VLDLR: variants seen among roughly 807,000 people sequenced by gnomAD.
The protein encoded by VLDLR is very low-density lipoprotein receptor.
In VLDLR, 81 loss-of-function variants were observed where a neutral mutation model predicts 112.7. That is an observed-to-expected ratio of 0.72 (90% confidence interval 0.60 to 0.86). VLDLR has a LOEUF of 0.86. VLDLR is among the 40% of genes least tolerant of loss of function. VLDLR has a pLI of 0.00. For synonymous variants in VLDLR, 436 were observed against 384.8 expected (o/e 1.13, Z -1.56); for missense variants, 1,237 against 1,099.4 (o/e 1.13, Z -1.77).
chr9:2,643,770 G>A lies in VLDLR; in HGVS notation c.943+20G>A, dbSNP rs776846247. The A allele has an allele frequency of 1.2e-6, 2 of 1,614,122 alleles. No homozygotes were observed. The highest frequency in any genetic ancestry group is 1.1e-5 in the South Asian group (1 of 91,078). On this transcript the variant is annotated intron_variant, in intron 6 of 18. Transcript: ENST00000382100. The stretch of plus-strand genomic sequence containing the variant: ...AAAATGGTAAGGGTTTCTTCTTGTT[G>A]GTTAAGCAATGGATTGCTCTGACCA...
At chr9:2,650,075 G>C (rs1818252290) in intron 14 of VLDLR, among the ~76,000 whole-genome samples, 1 of 152,160 alleles carries the variant, frequency 6.6e-6, no homozygotes, top group African/African-American at 2.4e-5. Context: ...CAAATAGTGA[G>C]AGCCAGTCCT....
At chr9:2,625,011 G>A (rs1028058225) in intron 1 of VLDLR, among the ~76,000 whole-genome samples, 2 of 152,190 alleles carry the variant, frequency 1.3e-5, no homozygotes, top group Non-Finnish European at 2.9e-5. Flanking sequence ...TAAAGGTCAA[G>A]TAGAGCTGCC....
In VLDLR at chr9:2,653,997, G is replaced by A; in HGVS notation, c.*129G>A. On this transcript the variant is annotated 3_prime_UTR_variant, in exon 19 of 19. Transcript: ENST00000382100. ...AAGAACATCAAGATACCTTTGCGTG[G>A]ATCAAGCTTGTGTACTTGACCGTTT... 1 of 925,176 alleles carries A rather than the reference G, an allele frequency of 1.1e-6. No individual in the cohort carries two copies. The highest frequency in any genetic ancestry group is 1.4e-5 in the South Asian group (1 of 73,662). The allele number at this position is 925,176 out of a possible 1,614,324, so 57.3% of individuals were successfully genotyped here.
In VLDLR at chr9:2,635,475, C is replaced by A. The variant is rs1156783917; in HGVS notation, c.105C>A (p.Pro35=). The change falls in exon 2 of 19, where the codon CCC becomes CCA. Residue 35 remains proline, a synonymous_variant. Coordinates refer to ENST00000382100, the MANE Select transcript of VLDLR (RefSeq NM_003383.5). ...TAGGGAGAAAAGCCAAATGTGAACCCTCCCAATTCCAGTGCACAAATGGTC... is the reference window on the plus strand; with the variant it reads ...TAGGGAGAAAAGCCAAATGTGAACCATCCCAATTCCAGTGCACAAATGGTC... The part of the protein sequence containing the change: ...TGTGRKAKCE[P]SQFQCTNGRC... 4 of 1,613,872 alleles carry A rather than the reference C, an allele frequency of 2.5e-6. No individual in the cohort carries two copies. Among genetic ancestry groups the A allele is most frequent in the Non-Finnish European group, 3.4e-6 (4 of 1,179,968 alleles).
Position 2,644,045 on chromosome 9 carries a change from CTAGT to C in VLDLR, c.1066+89_1066+92del. On this transcript the variant is annotated intron_variant, in intron 7 of 18. Coordinates refer to ENST00000382100, the MANE Select transcript of VLDLR (RefSeq NM_003383.5). Reference sequence around the variant, plus strand: ...ACACTGTGTGGACCCCCCGTGATGGCTAGTTAAACTTTTGAATGTACTGAAGTTC... The same window carrying C: ...ACACTGTGTGGACCCCCCGTGATGGCTAAACTTTTGAATGTACTGAAGTTC... The C allele has an allele frequency of 3.8e-6, 6 of 1,593,062 alleles. No individual in the cohort carries two copies. In the South Asian group the frequency reaches 4.5e-5, roughly 12 times the overall value.
rs1816785705 is a variant in VLDLR, at chr9:2,621,788, C to T, written c.-402C>T. ...CCTCCGGCCCCCTCCCCGCTGCTCA[C>T]CCCGCTCTCCGGCCGCCGCCGGTGC... is the stretch of plus-strand genomic sequence containing the variant. On this transcript the variant is annotated 5_prime_UTR_variant, in exon 1 of 19. Transcript: ENST00000382100. 5 of 480,680 alleles carry T rather than the reference C, an allele frequency of 1.0e-5. No individual in the cohort carries two copies. The highest frequency in any genetic ancestry group is 6.9e-5 in the East Asian group (1 of 14,574). 29.8% of individuals were successfully genotyped at this position (480,680 alleles called of 1,614,324 possible).
chr9:2,632,530 G>A (rs138443489), intron 1 of VLDLR, among the ~76,000 whole-genome samples: 14 of 152,140 alleles, frequency 9.2e-5, no homozygotes, highest in African/African-American at 2.7e-4. Context: ...AATTTGAGAC[G>A]TAACTTTCAT....
Position 2,655,752 on chromosome 9 carries a change from T to C in VLDLR, c.*1884T>C, listed in dbSNP as rs1586665079. Reference sequence around the variant, plus strand: ...TCAAGCATGTAGAAGGAAAAGGCTGTAGTCATGAATATAGAACTGTCTGCT... The same window carrying C: ...TCAAGCATGTAGAAGGAAAAGGCTGCAGTCATGAATATAGAACTGTCTGCT... On this transcript the variant is annotated 3_prime_UTR_variant, in exon 19 of 19. Coordinates refer to ENST00000382100, the MANE Select transcript of VLDLR (RefSeq NM_003383.5). 1 of 152,274 alleles carries C rather than the reference T, an allele frequency of 6.6e-6. No homozygotes were observed. Among genetic ancestry groups the C allele is most frequent in the South Asian group, 2.1e-4 (1 of 4,822 alleles). The allele number at this position is 152,274 out of a possible 1,614,324, so 9.4% of individuals were successfully genotyped here. A position where few individuals can be genotyped will look rare whatever the true frequency, so the allele number is the denominator to read the frequency against.
In VLDLR at chr9:2,654,149, G is replaced by T; in HGVS notation, c.*281G>T. On this transcript the variant is annotated 3_prime_UTR_variant, in exon 19 of 19. Transcript: ENST00000382100. ...TCTGGCCAAATATGCACTTTCCCTAGAAAGCCATATTCCAGCAGTGAAACT... is the reference window on the plus strand; with the variant it reads ...TCTGGCCAAATATGCACTTTCCCTATAAAGCCATATTCCAGCAGTGAAACT... The T allele has an allele frequency of 2.2e-6, 1 of 454,250 alleles. No individual in the cohort carries two copies. 28.1% of individuals were successfully genotyped at this position (454,250 alleles called of 1,614,324 possible).
intron 15 of VLDLR, 143 bp from the exon 16 acceptor site, chr9:2,651,272 A>ACAT (rs1204051342): frequency 1.5e-6 from 1 of 669,958 alleles, no homozygotes; most frequent in African/African-American, 1.8e-5. Flanking sequence ...CAATGTTGAC[A>ACAT]CATCAGCTGT....
At chr9:2,633,100 G>A (rs1817443688) in intron 1 of VLDLR, among the ~76,000 whole-genome samples, 1 of 151,402 alleles carries the variant, frequency 6.6e-6, no homozygotes, top group African/African-American at 2.4e-5. Flanking sequence ...TTGAGAGAGA[G>A]GGAGTAAAAC....
At chr9:2,622,976 G>C (rs372264419) in intron 1 of VLDLR, among the ~76,000 whole-genome samples, 14 of 152,350 alleles carry the variant, frequency 9.2e-5, no homozygotes, top group African/African-American at 3.1e-4. Flanking sequence ...GCGGCGTTTG[G>C]AAACCGCTCG....
In VLDLR at chr9:2,643,217, G is replaced by C. The variant is rs1289432558; in HGVS notation, c.506G>C (p.Arg169Thr). ...TGCTCCAGTGGCCGCTGCATCTCCA[G>C]GAACTTTGTATGCAATGGCCAGGAT... ...FTCSSGRCIS[R>T]NFVCNGQDDC... is the part of the protein sequence containing the mutation. The change falls in exon 5 of 19, where the codon AGG (arginine) becomes ACG (threonine). Residue 169 changes from arginine (R) to threonine (T), a missense_variant. Coordinates refer to ENST00000382100, the MANE Select transcript of VLDLR (RefSeq NM_003383.5). The C allele has an allele frequency of 6.2e-7, 1 of 1,613,990 alleles. No homozygotes were observed. The highest frequency in any genetic ancestry group is 1.3e-5 in the African/African-American group (1 of 74,948).
rs377688942 is a variant in VLDLR, at chr9:2,646,555, T to G, written c.1703+3T>G. 2 of 1,613,804 alleles carry G rather than the reference T, an allele frequency of 1.2e-6. No individual in the cohort carries two copies. The highest frequency in any genetic ancestry group is 2.7e-5 in the African/African-American group (2 of 74,918). On this transcript the variant is annotated splice_donor_region_variant and intron_variant, in intron 11 of 18. Coordinates refer to ENST00000382100, the MANE Select transcript of VLDLR (RefSeq NM_003383.5). ...ATAGCTGTGGACCCACTGTCTGGGT[T>G]TGTAGTCTGTTTTCCATCACAGACT...
Position 2,622,247 on chromosome 9 carries a change from C to G in VLDLR, c.58C>G (p.Arg20Gly), listed in dbSNP as rs1196671051. The change falls in exon 1 of 19, where the codon CGG (arginine) becomes GGG (glycine). Residue 20 changes from arginine (R) to glycine (G), a missense_variant. By Grantham distance (125) the Arg-to-Gly change is moderately radical. Coordinates refer to ENST00000382100, the MANE Select transcript of VLDLR (RefSeq NM_003383.5). Reference sequence around the variant, plus strand: ...GCTGCTCGCGCTGTGCTGGGCGCCCCGGGAGAGCGGCGCCACCGGAACCGG... The same window carrying G: ...GCTGCTCGCGCTGTGCTGGGCGCCCGGGGAGAGCGGCGCCACCGGAACCGG... ...WLLLALCWAP[R>G]ESGATGTGRK... is the part of the protein sequence containing the mutation. 7 of 1,494,550 alleles carry G rather than the reference C, an allele frequency of 4.7e-6. No individual in the cohort carries two copies. The highest frequency in any genetic ancestry group is 3.8e-5 in the South Asian group (3 of 78,906). 92.6% of individuals were successfully genotyped at this position (1,494,550 alleles called of 1,614,324 possible).
At chr9:2,644,422 G>A (rs1194760489) in intron 7 of VLDLR, among the ~76,000 whole-genome samples, 1 of 150,670 alleles carries the variant, frequency 6.6e-6, no homozygotes, top group Non-Finnish European at 1.5e-5. Flanking sequence ...ACCCGCCTCG[G>A]CCTTCCAAAG....
At chr9:2,649,253 A>G (rs60818744) in intron 14 of VLDLR, among the ~76,000 whole-genome samples, 2,157 of 152,224 alleles carry the variant, frequency 0.014, 56 homozygotes, top group African/African-American at 0.049. Flanking sequence ...AGGTGCCAGG[A>G]GGGTTGGTGC....
chr9:2,644,877 A>G, intron 8 of VLDLR, 24 bp downstream of exon 8: 1 of 1,614,126 alleles, frequency 6.2e-7, no homozygotes, highest in Non-Finnish European at 8.5e-7. Flanking sequence ...GAAAACCTGG[A>G]CCCTGCAGGT....
chr9:2,621,893 T>A lies in VLDLR; in HGVS notation c.-297T>A, dbSNP rs1160820023. ...CCCACCCCCTCTCCCTTCCCTCCTC[T>A]CCCCTTGCCTCCCCTCCTCTGCAGC... On this transcript the variant is annotated 5_prime_UTR_variant, in exon 1 of 19. Coordinates refer to ENST00000382100, the MANE Select transcript of VLDLR (RefSeq NM_003383.5). The A allele has an allele frequency of 5.0e-6, 3 of 597,626 alleles. No individual in the cohort carries two copies. The highest frequency in any genetic ancestry group is 9.4e-6 in the Non-Finnish European group (3 of 320,762). 37.0% of individuals were successfully genotyped at this position (597,626 alleles called of 1,614,324 possible).
Sources: allele counts gnomAD v4.1 joint callset (sites outside exome capture counted in the v4.1 genomes callset), GRCh38; gene constraint gnomAD v4.1.1; transcripts MANE v1.5; gene names NCBI Gene and HGNC (gene_info 2026-07-23, HGNC 2026-07-21).